The following LACTB2 variants were observed in gnomAD, a reference collection of about 807,000 sequenced individuals.
LACTB2 encodes the protein lactamase beta 2.
In LACTB2, 32 loss-of-function variants were observed where a neutral mutation model predicts 34.8. That is an observed-to-expected ratio of 0.92 (90% CI 0.69 to 1.24). LACTB2 has a LOEUF of 1.24. Ranked by LOEUF, LACTB2 falls within the 50% of genes most tolerant of loss-of-function variation. The pLI, the probability that LACTB2 is intolerant of heterozygous loss-of-function variation, is 0.00. For synonymous variants in LACTB2, 120 were observed against 117.5 expected (o/e 1.02, Z -0.14); for missense variants, 320 against 345.0 (o/e 0.93, Z 0.57).
chr8:70,645,240 C>T (rs572856259), intron 3 of LACTB2, among the ~76,000 whole-genome samples: 4 of 152,262 alleles, frequency 2.6e-5, no homozygotes, highest in African/African-American at 7.2e-5. Flanking sequence ...TTCAGCCTCC[C>T]GACTAGTTGG....
At chr8:70,653,519 T>A (rs1586787025) in intron 3 of LACTB2, among the ~76,000 whole-genome samples, 3 of 152,222 alleles carry the variant, frequency 2.0e-5, no homozygotes, top group Non-Finnish European at 4.4e-5. Context: ...TCATTTTCTC[T>A]TACTCATCTG....
rs1818482723 is a variant in LACTB2, at chr8:70,661,727, T to C, written c.286+7A>G. On this transcript the variant is annotated splice_region_variant and intron_variant, in intron 2 of 6. Coordinates refer to ENST00000276590, the MANE Select transcript of LACTB2 (RefSeq NM_016027.3). The stretch of plus-strand genomic sequence containing the variant: ...CTCAATGAGCTTAATGAATGTTTTC[T>C]GTTTACCATTATTGATGCTTTTACA... The C allele has an allele frequency of 6.2e-7, 1 of 1,603,918 alleles. No individual in the cohort carries two copies. Among genetic ancestry groups the C allele is most frequent in the South Asian group, 1.1e-5 (1 of 88,946 alleles).
At chr8:70,661,413 C>T (rs897352331) in intron 2 of LACTB2, 2 of 280,646 alleles carry the variant, frequency 7.1e-6, no homozygotes, top group East Asian at 9.4e-5. Context: ...ATAAGAGCAC[C>T]TACCTCACAG....
At chr8:70,645,892 C>T (rs1818258081) in intron 3 of LACTB2, among the ~76,000 whole-genome samples, 1 of 152,080 alleles carries the variant, frequency 6.6e-6, no homozygotes, top group South Asian at 2.1e-4. Context: ...TCCAGTCTAT[C>T]ATTGTTGGAC....
chr8:70,660,182 G>A (rs1213706905), intron 2 of LACTB2: 2 of 158,602 alleles, frequency 1.3e-5, no homozygotes, highest in East Asian at 3.7e-4. Flanking sequence ...TTGAACTGCT[G>A]GGCTCAAACT....
rs1818235242 is a variant in LACTB2, at chr8:70,644,226, C to T, written c.431G>A (p.Gly144Asp). The T allele has an allele frequency of 6.3e-7, 1 of 1,579,864 alleles. No individual in the cohort carries two copies. Among genetic ancestry groups the T allele is most frequent in the South Asian group, 1.2e-5 (1 of 86,610 alleles). Residue 144 changes from glycine to aspartate, a missense_variant, in exon 4 of 7, where the codon GGC becomes GAC. Transcript: ENST00000276590. ...GATLRVLYTPGHTDDHMALLL... is the reference protein window; with the variant it reads ...GATLRVLYTPDHTDDHMALLL... ...TAGAGCCATGTGATCATCAGTGTGG[C>T]CAGGGGTATATAGAACTCTGGTTGA...
chr8:70,642,069 G>A (rs1016353127), intron 4 of LACTB2, among the ~76,000 whole-genome samples: 1 of 152,186 alleles, frequency 6.6e-6, no homozygotes, highest in African/African-American at 2.4e-5. Context: ...TATGGCTACA[G>A]AGCATAATTT....
intron 3 of LACTB2, among the ~76,000 whole-genome samples, chr8:70,655,220 AT>A (rs36122235): frequency 0.74 from 102,104 of 137,276 alleles, 37,977 homozygotes; most frequent in Non-Finnish European, 0.82. Context: ...ATTAATTCCT[AT>A]TTTTTTTTTT....
At chr8:70,638,790 G>T (rs982973185) in intron 5 of LACTB2, among the ~76,000 whole-genome samples, 161 bp from the exon 6 acceptor site, 5 of 150,934 alleles carry the variant, frequency 3.3e-5, no homozygotes, top group African/African-American at 1.2e-4. Flanking sequence ...CGCCAGGCTG[G>T]AATGCAGTGG....
chr8:70,642,504 C>CTTTTTTTTTTTT (rs35951740), intron 4 of LACTB2, among the ~76,000 whole-genome samples: 1 of 130,336 alleles, frequency 7.7e-6, no homozygotes, highest in African/African-American at 2.9e-5. Context: ...TCTTTCTTAG[C>CTTTTTTTTTTTT]TTTTTTTTTT....
At chr8:70,661,587 T>C in intron 2 of LACTB2, 147 bp downstream of exon 2, 1 of 654,382 alleles carries the variant, frequency 1.5e-6, no homozygotes, top group Non-Finnish European at 2.5e-6. Flanking sequence ...AGGCACAGTA[T>C]TCAACAGTCT....
chr8:70,651,549 C>T (rs1021359202), intron 3 of LACTB2, among the ~76,000 whole-genome samples: 1 of 152,118 alleles, frequency 6.6e-6, no homozygotes, highest in Non-Finnish European at 1.5e-5. Context: ...TACAAAAACT[C>T]ACTTGTAGAA....
chr8:70,661,512 A>T (rs1274779161), intron 2 of LACTB2: 1 of 436,066 alleles, frequency 2.3e-6, no homozygotes, highest in African/African-American at 2.0e-5. Context: ...AGTAACTCAC[A>T]CACTAAAGTA....
At chr8:70,638,668 T>TA (rs761646998) in intron 5 of LACTB2, 39 bp from the exon 6 acceptor site, 42 of 1,367,524 alleles carry the variant, frequency 3.1e-5, no homozygotes, top group Non-Finnish European at 1.8e-5. Flanking sequence ...TCCTTTTTTT[T>TA]TAAAAAAAAG....
At chr8:70,642,168 T>C (rs1272084279) in intron 4 of LACTB2, among the ~76,000 whole-genome samples, 1 of 152,206 alleles carries the variant, frequency 6.6e-6, no homozygotes, top group Non-Finnish European at 1.5e-5. Flanking sequence ...CTCATTAGCT[T>C]AGCTTGAATG....
rs560455153 is a variant in LACTB2, at chr8:70,640,372, A to G, written c.741+530T>C. On this transcript the variant is annotated intron_variant, in intron 5 of 6. Coordinates refer to ENST00000276590, the MANE Select transcript of LACTB2 (RefSeq NM_016027.3). ...GACTGCTATATAGTGCTGTCAATAC[A>G]GTGATATTCTCAGAGGCCAGTGAGG... Among the ~76,000 whole-genome samples, 135 of 147,724 alleles carry G rather than the reference A, an allele frequency of 9.1e-4. 1 individual carries two copies. The highest frequency in any genetic ancestry group is 3.2e-3 in the African/African-American group (130 of 40,524).
At chr8:70,639,507 A>G (rs761194349) in intron 5 of LACTB2, among the ~76,000 whole-genome samples, 18 of 152,222 alleles carry the variant, frequency 1.2e-4, no homozygotes, top group Non-Finnish European at 1.9e-4. Context: ...AGTGTTTAGC[A>G]TAATAATACA....
At chr8:70,668,748 GTTTT>G (rs990900411) in intron 1 of LACTB2, among the ~76,000 whole-genome samples, 80 of 103,712 alleles carry the variant, frequency 7.7e-4, no homozygotes, top group African/African-American at 2.1e-3. Context: ...CAAAACAGAA[GTTTT>G]TTTTTTTTTT....
intron 3 of LACTB2, among the ~76,000 whole-genome samples, chr8:70,645,764 G>A (rs555361240): frequency 2.4e-4 from 36 of 150,742 alleles, no homozygotes; most frequent in African/African-American, 8.3e-4. Context: ...TTGTCCTTGC[G>A]ATAGTTTGCT....
Sources: allele counts gnomAD v4.1 joint callset (sites outside exome capture counted in the v4.1 genomes callset), GRCh38; gene constraint gnomAD v4.1.1; transcripts MANE v1.5; gene names NCBI Gene and HGNC (gene_info 2026-07-23, HGNC 2026-07-21).